Variants in SMC2 observed in about 807,000 individuals in gnomAD.
SMC2 encodes the protein structural maintenance of chromosomes 2, also known as structural maintenance of chromosomes protein 2.
A neutral mutation model predicts 142.6 loss-of-function variants in SMC2; 41 were observed. The ratio of observed to expected loss-of-function variants is 0.29; its 90% CI spans 0.22 to 0.37. The LOEUF is 0.37. Among genes scored for constraint, SMC2 ranks in the 10% least tolerant of loss-of-function variants. The probability of loss-of-function intolerance (pLI) is 1.00; values close to 1 mark genes in which losing one functional copy is unlikely to be tolerated. For synonymous variants in SMC2, 463 were observed against 457.5 expected (o/e 1.01, Z -0.15); for missense variants, 1,265 against 1,373.7 (o/e 0.92, Z 1.25).
upstream of SMC2, among the ~76,000 whole-genome samples, chr9:104,091,881 A>G (rs962902405): frequency 7.2e-5 from 11 of 152,130 alleles, no homozygotes; most frequent in East Asian, 3.9e-4. Flanking sequence ...TGCCTTCCAT[A>G]TAAGGACTCA....
Position 104,111,564 on chromosome 9 carries a change from T to G in SMC2, c.1021-17T>G, listed in dbSNP as rs765889354. 1 of 1,556,752 alleles carries G rather than the reference T, an allele frequency of 6.4e-7. No homozygotes were observed. Among genetic ancestry groups the G allele is most frequent in the African/African-American group, 1.4e-5 (1 of 73,218 alleles). The stretch of plus-strand genomic sequence containing the variant: ...TCCTGAAATATAATATTTTTCCATT[T>G]GAAACTCTTCCTAAAGGACTCAAAA... On this transcript the variant is annotated splice_polypyrimidine_tract_variant and intron_variant, in intron 9 of 24. Coordinates refer to ENST00000374793, the MANE Select transcript of SMC2 (RefSeq NM_006444.3).
intron 22 of SMC2, among the ~76,000 whole-genome samples, chr9:104,133,791 G>A (rs1156336008): frequency 1.3e-5 from 2 of 152,052 alleles, no homozygotes. Context: ...TCCTGTTTCT[G>A]GCCCTCAACA....
Position 104,113,968 on chromosome 9 carries a change from T to G in SMC2, c.1419T>G (p.Asn473Lys). 6.4e-7 allele frequency: 1 copy of G among 1,559,332 alleles called. No individual in the cohort carries two copies. The highest frequency in any genetic ancestry group is 8.7e-7 in the Non-Finnish European group (1 of 1,156,058). Reference sequence around the variant, plus strand: ...TTATTATGATTTATCCTTCAGAAAATAAAGAGGAAAGCCTTTTGGAAAAGC... The same window carrying G: ...TTATTATGATTTATCCTTCAGAAAAGAAAGAGGAAAGCCTTTTGGAAAAGC... ...AEMKKLNYEE[N>K]KEESLLEKRR... The change falls in exon 12 of 25, where the codon AAT (asparagine) becomes AAG (lysine). Residue 473 changes from asparagine (N) to lysine (K), a missense_variant. By Grantham distance (94) the Asn-to-Lys change is moderately conservative. Around this residue, in one of 4 missense-constraint regions of SMC2, gnomAD observed 898 missense variants for 904.2 expected, o/e 0.99. Coordinates refer to ENST00000374793, the MANE Select transcript of SMC2 (RefSeq NM_006444.3).
chr9:104,126,617 A>C, intron 18 of SMC2, 24 bp from the exon 19 acceptor site: 2 of 1,576,472 alleles, frequency 1.3e-6, no homozygotes, highest in Non-Finnish European at 8.6e-7. Flanking sequence ...CTATATGAAT[A>C]CCTGAATACT....
intron 1 of SMC2, 115 bp from the exon 2 acceptor site, chr9:104,095,209 G>A: frequency 1.8e-6 from 1 of 560,292 alleles, no homozygotes; most frequent in South Asian, 2.5e-5. Flanking sequence ...AGACAAGATA[G>A]TTTGTCAAGT....
intron 19 of SMC2, 134 bp downstream of exon 19, chr9:104,126,918 T>C: frequency 1.1e-6 from 1 of 905,924 alleles, no homozygotes; most frequent in Non-Finnish European, 1.6e-6. Context: ...AAATAGCTTT[T>C]ACTCATCCAG....
Position 104,118,327 on chromosome 9 carries a change from G to A in SMC2, c.1948G>A (p.Val650Ile), listed in dbSNP as rs1310755491. ...AFDKRIMTRT[V>I]TLGGDVFDPH... ...TGATAAGAGGATAATGACTAGAACT[G>A]TAACTCTCGGAGGTGATGTGTTTGA... Residue 650 changes from valine to isoleucine, a missense_variant, in exon 15 of 25, where the codon GTA becomes ATA. By Grantham distance (29) the Val-to-Ile change is conservative (BLOSUM62 3). Around this residue, in one of 4 missense-constraint regions of SMC2, gnomAD observed 898 missense variants for 904.2 expected, o/e 0.99. Transcript: ENST00000374793. 4 of 1,613,500 alleles carry A rather than the reference G, an allele frequency of 2.5e-6. No individual in the cohort carries two copies. The highest frequency in any genetic ancestry group is 2.2e-5 in the East Asian group (1 of 44,858).
rs999312 is a variant in SMC2, at chr9:104,114,958, A to C, written c.1671+129A>C. On this transcript the variant is annotated intron_variant, in intron 13 of 24. Coordinates refer to ENST00000374793, the MANE Select transcript of SMC2 (RefSeq NM_006444.3). ...GGTGACTTATTTATAGGGTAAAACT[A>C]TTTGGTTCATAACTTTTTGATAACT... 4.0e-3 allele frequency: 2,538 copies of C among 638,920 alleles called. 54 individuals are homozygous for C. The African/African-American group carries it at 0.042, about 11-fold the overall frequency. 39.6% of individuals were successfully genotyped at this position (638,920 alleles called of 1,614,324 possible). A position where few individuals can be genotyped will look rare whatever the true frequency, so the allele number is the denominator to read the frequency against.
chr9:104,108,013 T>G (rs1244632338), intron 9 of SMC2, among the ~76,000 whole-genome samples: 1 of 152,132 alleles, frequency 6.6e-6, no homozygotes, highest in Non-Finnish European at 1.5e-5. Context: ...CAGGTGGTGG[T>G]GATGTTCTGC....
intron 1 of SMC2, chr9:104,094,956 C>T: frequency 5.8e-6 from 1 of 171,434 alleles, no homozygotes; most frequent in Non-Finnish European, 1.2e-5. Flanking sequence ...GACATTTGAG[C>T]AAAGACGTGA....
At chr9:104,112,736 G>A (rs959326702) in intron 10 of SMC2, among the ~76,000 whole-genome samples, 1 of 152,126 alleles carries the variant, frequency 6.6e-6, no homozygotes, top group African/African-American at 2.4e-5. Context: ...TAGAATACTA[G>A]TTCATAGTTT....
chr9:104,135,939 C>A (rs1242246834), intron 23 of SMC2: 1 of 518,306 alleles, frequency 1.9e-6, no homozygotes. Context: ...CCAGATGGAA[C>A]CTTGGATCTA....
chr9:104,104,909 C>T (rs1831577274), intron 9 of SMC2, among the ~76,000 whole-genome samples: 1 of 152,214 alleles, frequency 6.6e-6, no homozygotes, highest in South Asian at 2.1e-4. Flanking sequence ...CTGCCTGGAG[C>T]ACTGACTCAG....
At position 104,116,307 on chromosome 9, in the gene SMC2, T is replaced by A; in HGVS notation, c.1779T>A (p.Val593=). The change falls in exon 14 of 25, where the codon GTT becomes GTA. Residue 593 remains valine, a synonymous_variant. Transcript: ENST00000374793. ...ARCIAPETLR[V]AQNLVGPDNV... is the part of the protein sequence containing the mutation. ...GTATTGCACCAGAAACTCTGAGAGTTGCTCAGAATCTTGTAAGTCTCATTT... is the reference window on the plus strand; with the variant it reads ...GTATTGCACCAGAAACTCTGAGAGTAGCTCAGAATCTTGTAAGTCTCATTT... The A allele has an allele frequency of 6.2e-7, 1 of 1,605,288 alleles. No individual in the cohort carries two copies. Among genetic ancestry groups the A allele is most frequent in the African/African-American group, 1.3e-5 (1 of 74,440 alleles).
intron 23 of SMC2, among the ~76,000 whole-genome samples, chr9:104,135,284 GAATT>G (rs1835410701): frequency 6.6e-6 from 1 of 151,702 alleles, no homozygotes; most frequent in South Asian, 2.1e-4. Flanking sequence ...CTACTAAAAA[GAATT>G]AAGTGAACTT....
intron 9 of SMC2, among the ~76,000 whole-genome samples, chr9:104,108,870 G>A (rs1832108850): frequency 6.6e-6 from 1 of 152,128 alleles, no homozygotes; most frequent in African/African-American, 2.4e-5. Context: ...GCTTGCCCTG[G>A]GTTTATACCC....
At chr9:104,124,839 C>T in intron 17 of SMC2, 73 bp from the exon 18 acceptor site, 1 of 1,160,696 alleles carries the variant, frequency 8.6e-7, no homozygotes, top group South Asian at 1.5e-5. Context: ...CAAACCATTT[C>T]TTCTATTAAA....
In SMC2 at chr9:104,127,328, G is replaced by A. The variant is rs756792636; in HGVS notation, c.2638G>A (p.Glu880Lys). 1 of 1,601,748 alleles carries A rather than the reference G, an allele frequency of 6.2e-7. No homozygotes were observed. Among genetic ancestry groups the A allele is most frequent in the Non-Finnish European group, 8.5e-7 (1 of 1,173,594 alleles). The stretch of plus-strand genomic sequence containing the variant: ...TCAAGAAGAGGTGACCAAGCAAAAA[G>A]AGGTGATAACAGCCCAAGACACTGT... ...KAQEEVTKQK[E>K]VITAQDTVIK... Residue 880 changes from glutamate (E) to lysine (K), a missense_variant, in exon 20 of 25, where the codon GAG becomes AAG. By Grantham distance (56) the Glu-to-Lys change is moderately conservative. Around this residue, in one of 4 missense-constraint regions of SMC2, gnomAD observed 898 missense variants for 904.2 expected, o/e 0.99. Transcript: ENST00000374793.
upstream of SMC2, among the ~76,000 whole-genome samples, chr9:104,090,524 AC>A (rs1326324546): frequency 1.3e-5 from 2 of 152,174 alleles, no homozygotes; most frequent in South Asian, 2.1e-4. Context: ...GAAAAAAAAA[AC>A]ATAAGGTACC....
Sources: gnomAD v4.1 joint callset for allele counts (sites outside exome capture counted in the v4.1 genomes callset) on GRCh38, gnomAD v4.1.1 for gene constraint, gnomAD v4.1.1 regional missense constraint, MANE v1.5 for transcripts, NCBI Gene and HGNC (gene_info 2026-07-23, HGNC 2026-07-21) for gene names.